ZBTB20: variants seen among roughly 807,000 people sequenced by gnomAD.
ZBTB20 encodes zinc finger and BTB domain containing 20.
ZBTB20 carries 9 observed loss-of-function variants against 56.9 expected under a neutral mutation model. The ratio of observed to expected loss-of-function variants is 0.16; its 90% CI spans 0.10 to 0.28. The LOEUF (loss-of-function observed/expected upper bound fraction) is 0.28, where lower values mean the gene tolerates loss of function less well. Among genes scored for constraint, ZBTB20 ranks in the 10% least tolerant of loss-of-function variants. The pLI, the probability that ZBTB20 is intolerant of heterozygous loss-of-function variation, is 1.00. For missense variants in ZBTB20, 655 were observed against 1,003.0 expected, an observed-to-expected ratio of 0.65 and a Z score of 4.69; for synonymous variants, 417 against 420.7, an observed-to-expected ratio of 0.99 and a Z score of 0.11.
chr3:114,380,433 G>A, intron 9 of ZBTB20, 29 bp from the exon 10 acceptor site: 1 of 1,488,180 alleles, frequency 6.7e-7, no homozygotes, highest in Non-Finnish European at 8.9e-7. Flanking sequence ...CCCTTTGAAG[G>A]AACTGACTGC....
rs375836727 is a variant in ZBTB20 at position 114,338,082 on chromosome 3, A to C, written c.*923T>G. 6.8e-6 allele frequency: 1 copy of C among 147,780 alleles called. No individual in the cohort carries two copies. Among genetic ancestry groups the C allele is most frequent in the Non-Finnish European group, 1.5e-5 (1 of 66,672 alleles). 9.2% of individuals were successfully genotyped at this position (147,780 alleles called of 1,614,324 possible). A position where few individuals can be genotyped will look rare whatever the true frequency, so the allele number is the denominator to read the frequency against. On this transcript the variant is annotated 3_prime_UTR_variant, in exon 12 of 12. Transcript: ENST00000675478. ...TTTTCTTTTTCTCTTCCACAAGAATATATCCTGACACTTTTTTTTTTTTTG... is the reference window on the plus strand; with the variant it reads ...TTTTCTTTTTCTCTTCCACAAGAATCTATCCTGACACTTTTTTTTTTTTTG...
At chr3:114,412,921 GC>G (rs1358204542) in intron 7 of ZBTB20, among the ~76,000 whole-genome samples, 3 of 152,002 alleles carry the variant, frequency 2.0e-5, no homozygotes, top group Non-Finnish European at 4.4e-5. Context: ...TGAACATTTT[GC>G]CAGCTGTTTC....
At chr3:114,577,214 A>T (rs185051142) in intron 6 of ZBTB20, among the ~76,000 whole-genome samples, 2 of 152,250 alleles carry the variant, frequency 1.3e-5, no homozygotes, top group African/African-American at 4.8e-5. Context: ...TGTAATTTGT[A>T]ATATTATGTG....
At chr3:114,622,159 G>C (rs1361108157) in intron 6 of ZBTB20, among the ~76,000 whole-genome samples, 6 of 151,920 alleles carry the variant, frequency 3.9e-5, no homozygotes, top group Non-Finnish European at 8.8e-5. Context: ...ATCCCTACCA[G>C]AAACTATGAG....
At chr3:114,800,741 G>A (rs2071643714) in intron 5 of ZBTB20, among the ~76,000 whole-genome samples, 1 of 144,516 alleles carries the variant, frequency 6.9e-6, no homozygotes, top group South Asian at 2.2e-4. Context: ...TACCTTCAGT[G>A]AGACTAGTAA....
intron 5 of ZBTB20, among the ~76,000 whole-genome samples, chr3:114,774,633 G>A (rs1489716176): frequency 6.6e-6 from 1 of 152,142 alleles, no homozygotes; most frequent in South Asian, 2.1e-4. Flanking sequence ...TTTCTAAAGG[G>A]GGTGGATAAC....
intron 4 of ZBTB20, among the ~76,000 whole-genome samples, chr3:114,892,187 T>C (rs903209796): frequency 1.3e-5 from 2 of 152,250 alleles, no homozygotes; most frequent in African/African-American, 4.8e-5. Context: ...GTGGTTAGTT[T>C]AGACCTTATT....
intron 3 of ZBTB20, among the ~76,000 whole-genome samples, chr3:114,913,256 T>C (rs1192205871): frequency 9.2e-5 from 14 of 152,006 alleles, no homozygotes; most frequent in Non-Finnish European, 2.1e-4. Context: ...TTATTGCTTG[T>C]CTTTTGGATG....
intron 6 of ZBTB20, among the ~76,000 whole-genome samples, chr3:114,521,384 T>C (rs1236246261): frequency 6.6e-6 from 1 of 152,198 alleles, no homozygotes; most frequent in Admixed American, 6.5e-5. Context: ...AAATTTACAA[T>C]CCAGGTCCTC....
intron 7 of ZBTB20, among the ~76,000 whole-genome samples, chr3:114,486,071 C>A (rs2042087274): frequency 8.0e-6 from 1 of 124,704 alleles, no homozygotes; most frequent in Admixed American, 1.1e-4. Flanking sequence ...AGCTGTAGTT[C>A]TTTGTCGATT....
chr3:114,594,695 G>T (rs1050581723), intron 6 of ZBTB20, among the ~76,000 whole-genome samples: 1 of 152,074 alleles, frequency 6.6e-6, no homozygotes, highest in African/African-American at 2.4e-5. Flanking sequence ...AGAGGGTAAG[G>T]TCTTAGTCTA....
chr3:114,461,674 A>AT (rs1465895277), intron 7 of ZBTB20, among the ~76,000 whole-genome samples: 1 of 152,196 alleles, frequency 6.6e-6, no homozygotes, highest in African/African-American at 2.4e-5. Context: ...CTTACATTCT[A>AT]TAGGATAGTG....
At chr3:114,445,079 A>G (rs964931751) in intron 7 of ZBTB20, among the ~76,000 whole-genome samples, 7 of 152,150 alleles carry the variant, frequency 4.6e-5, no homozygotes, top group African/African-American at 1.7e-4. Flanking sequence ...TCAACGCTTA[A>G]AGCAGAGCTT....
At chr3:115,055,397 C>G (rs142094472) in intron 2 of ZBTB20, among the ~76,000 whole-genome samples, 88 of 152,144 alleles carry the variant, frequency 5.8e-4, no homozygotes, top group Admixed American at 3.9e-3. Flanking sequence ...TCAATATCTT[C>G]ACTGCAACCT....
intron 6 of ZBTB20, among the ~76,000 whole-genome samples, chr3:114,575,284 G>A (rs1461704062): frequency 6.6e-6 from 1 of 152,138 alleles, no homozygotes; most frequent in Non-Finnish European, 1.5e-5. Flanking sequence ...AGGCTTGAGT[G>A]TTCTTTTAAC....
intron 4 of ZBTB20, among the ~76,000 whole-genome samples, chr3:114,833,475 T>G (rs1012729093): frequency 6.6e-6 from 1 of 152,232 alleles, no homozygotes; most frequent in Non-Finnish European, 1.5e-5. Flanking sequence ...TATGGCTCTC[T>G]AAGCTTATCC....
intron 2 of ZBTB20, among the ~76,000 whole-genome samples, chr3:114,995,474 T>A (rs1179973159): frequency 1.3e-5 from 2 of 151,838 alleles, no homozygotes; most frequent in African/African-American, 4.8e-5. Context: ...CCATTTAGAA[T>A]CATTAAACTA....
At chr3:114,951,655 T>G (rs61181243) in intron 3 of ZBTB20, among the ~76,000 whole-genome samples, 14,199 of 152,096 alleles carry the variant, frequency 0.093, 1,947 homozygotes, top group African/African-American at 0.3. Flanking sequence ...TCAATTGCCT[T>G]TTAAAACAAA....
chr3:114,616,166 C>T (rs1280633293), intron 6 of ZBTB20, among the ~76,000 whole-genome samples: 4 of 152,188 alleles, frequency 2.6e-5, no homozygotes, highest in East Asian at 1.9e-4. Context: ...AAAGCACTAT[C>T]GATTTCAATT....
Sources: allele counts gnomAD v4.1 joint callset (sites outside exome capture counted in the v4.1 genomes callset), GRCh38; gene constraint gnomAD v4.1.1; transcripts MANE v1.5; gene names NCBI Gene and HGNC (gene_info 2026-07-23, HGNC 2026-07-21).